MSRA: variants seen among roughly 807,000 people sequenced by gnomAD.
The protein encoded by MSRA is mitochondrial peptide methionine sulfoxide reductase.
A neutral mutation model predicts 31.3 loss-of-function variants in MSRA; 54 were observed. The observed-to-expected ratio is 1.73, with a 90% CI of 1.39 to 2.17. The LOEUF (loss-of-function observed/expected upper bound fraction) is 2.17. MSRA is among the 30% of genes most tolerant of loss of function. The pLI is 0.00. For missense variants in MSRA, 507 were observed against 300.9 expected (o/e 1.69, Z -5.07); for synonymous variants, 169 against 116.5 (o/e 1.45, Z -2.90).
rs555539559 is a variant in MSRA, at chr8:10,423,335, G to T, written c.544-4813G>T. Among the ~76,000 whole-genome samples the T allele has an allele frequency of 3.3e-5, 5 of 152,316 alleles. 1 individual carries two copies. In the East Asian group the frequency reaches 9.6e-4, roughly 29 times the overall value. ...GAAAAGTAGATGACCACAAGCATTG[G>T]TGTGTCAGCCATGATCAGTAACACG... On this transcript the variant is annotated intron_variant, in intron 5 of 5. Transcript: ENST00000317173.
At chr8:10,139,148 G>A (rs1435339099) in intron 1 of MSRA, among the ~76,000 whole-genome samples, 1 of 152,188 alleles carries the variant, frequency 6.6e-6, no homozygotes, top group Admixed American at 6.5e-5. Flanking sequence ...TTGAGTTTCT[G>A]ATGTTTTGTG....
At chr8:10,267,298 G>A (rs1309467655) in intron 3 of MSRA, among the ~76,000 whole-genome samples, 1 of 152,210 alleles carries the variant, frequency 6.6e-6, no homozygotes, top group Non-Finnish European at 1.5e-5. Context: ...CAAGAGAGAA[G>A]TTTGTTTGGG....
intron 5 of MSRA, among the ~76,000 whole-genome samples, chr8:10,420,953 C>T (rs567763892): frequency 1.8e-3 from 267 of 151,522 alleles, no homozygotes; most frequent in African/African-American, 5.4e-3. Flanking sequence ...GCCCTGATCA[C>T]GCCACTGCAC....
intron 5 of MSRA, 90 bp downstream of exon 5, chr8:10,320,079 C>G (rs193138880): frequency 1.3e-6 from 1 of 760,692 alleles, no homozygotes; most frequent in East Asian, 2.9e-5. Context: ...TGCTTTTCAA[C>G]TGGAATTGTG....
At chr8:10,292,222 TG>T (rs1431339681) in intron 3 of MSRA, among the ~76,000 whole-genome samples, 1 of 152,096 alleles carries the variant, frequency 6.6e-6, no homozygotes, top group East Asian at 1.9e-4. Flanking sequence ...CATTGGCAGG[TG>T]AATGGAGCTG....
At chr8:10,264,104 T>C (rs1273671514) in intron 3 of MSRA, among the ~76,000 whole-genome samples, 1 of 152,208 alleles carries the variant, frequency 6.6e-6, no homozygotes. Flanking sequence ...CTTCCAAGTT[T>C]ATATGAGATT....
intron 3 of MSRA, among the ~76,000 whole-genome samples, chr8:10,275,239 C>T (rs1420508782): frequency 6.6e-6 from 1 of 152,186 alleles, no homozygotes; most frequent in Non-Finnish European, 1.5e-5. Context: ...AACATGTTTT[C>T]ATCCCCGTGA....
chr8:10,315,941 C>G (rs1801687494), intron 4 of MSRA, among the ~76,000 whole-genome samples: 1 of 152,198 alleles, frequency 6.6e-6, no homozygotes, highest in African/African-American at 2.4e-5. Context: ...AACTTTTGAC[C>G]TTTCATGAAG....
chr8:10,099,523 G>T (rs1042736994), intron 1 of MSRA, among the ~76,000 whole-genome samples: 1 of 152,216 alleles, frequency 6.6e-6, no homozygotes, highest in Admixed American at 6.5e-5. Context: ...CATGCTGGGC[G>T]CAGGGACTGG....
At chr8:10,118,188 T>C (rs1297538283) in intron 1 of MSRA, among the ~76,000 whole-genome samples, 1 of 152,216 alleles carries the variant, frequency 6.6e-6, no homozygotes, top group East Asian at 1.9e-4. Flanking sequence ...ATGTTTTTAG[T>C]TCATTGCCCA....
chr8:10,258,073 C>T (rs939997621), intron 3 of MSRA, among the ~76,000 whole-genome samples: 1 of 152,114 alleles, frequency 6.6e-6, no homozygotes, highest in Non-Finnish European at 1.5e-5. Context: ...CTTCTATTTT[C>T]ATAACAGCTG....
intron 1 of MSRA, among the ~76,000 whole-genome samples, chr8:10,142,532 C>T (rs1802806900): frequency 6.6e-6 from 1 of 152,214 alleles, no homozygotes; most frequent in Non-Finnish European, 1.5e-5. Context: ...GCATTTCTGA[C>T]AAAGGTGAAG....
chr8:10,203,132 G>T (rs576706141), intron 1 of MSRA, among the ~76,000 whole-genome samples: 3 of 152,088 alleles, frequency 2.0e-5, no homozygotes, highest in African/African-American at 4.8e-5. Context: ...AGACAAAGCC[G>T]CCAGGGACCT....
intron 1 of MSRA, among the ~76,000 whole-genome samples, chr8:10,064,706 T>C (rs1215106492): frequency 6.6e-6 from 1 of 152,222 alleles, no homozygotes; most frequent in Non-Finnish European, 1.5e-5. Flanking sequence ...GTATTTTACC[T>C]TTGATTTAAA....
At chr8:10,384,146 G>A (rs1316239679) in intron 5 of MSRA, among the ~76,000 whole-genome samples, 1 of 152,146 alleles carries the variant, frequency 6.6e-6, no homozygotes, top group Admixed American at 6.5e-5. Context: ...GAGCCTGACG[G>A]GTGACGTATA....
chr8:10,302,123 G>C (rs191157195), intron 4 of MSRA, among the ~76,000 whole-genome samples: 77 of 152,236 alleles, frequency 5.1e-4, no homozygotes, highest in African/African-American at 1.8e-3. Context: ...GTATTCACTA[G>C]GTCCACAAAG....
chr8:10,377,842 G>A (rs376741897), intron 5 of MSRA, among the ~76,000 whole-genome samples: 19 of 152,172 alleles, frequency 1.2e-4, no homozygotes, highest in Admixed American at 9.8e-4. Flanking sequence ...CAGGGCAGCC[G>A]GCTGGGATCC....
chr8:10,357,605 A>G lies in MSRA; in HGVS notation c.543+37616A>G, dbSNP rs1003849483. Among the ~76,000 whole-genome samples, 13 of 152,304 alleles carry G rather than the reference A, an allele frequency of 8.5e-5. No individual in the cohort carries two copies. The East Asian group carries it at 2.5e-3, about 29-fold the overall frequency. Reference sequence around the variant, plus strand: ...TTTCCTATCTTCTTTACCATCTGGTATAGGCTCACGTTGTCTATTTCCTGC... The same window carrying G: ...TTTCCTATCTTCTTTACCATCTGGTGTAGGCTCACGTTGTCTATTTCCTGC... On this transcript the variant is annotated intron_variant, in intron 5 of 5. Coordinates refer to ENST00000317173, the MANE Select transcript of MSRA (RefSeq NM_012331.5).
chr8:10,268,306 C>G (rs183569634), intron 3 of MSRA, among the ~76,000 whole-genome samples: 23 of 152,180 alleles, frequency 1.5e-4, no homozygotes, highest in Admixed American at 3.9e-4. Context: ...TCTGTGGGCA[C>G]TCCAGACATT....
Sources: allele counts gnomAD v4.1 joint callset (sites outside exome capture counted in the v4.1 genomes callset), GRCh38; gene constraint gnomAD v4.1.1; transcripts MANE v1.5; gene names NCBI Gene and HGNC (gene_info 2026-07-23, HGNC 2026-07-21).